The following AGMO variants were observed in gnomAD, a reference collection of about 807,000 sequenced individuals.
The protein encoded by AGMO is glyceryl-ether monooxygenase.
AGMO carries 75 observed loss-of-function variants against 60.2 expected under a neutral mutation model. The observed-to-expected ratio is 1.25, with a 90% CI of 1.03 to 1.51. The LOEUF is 1.51. AGMO is among the 40% of genes most tolerant of loss of function. The probability of loss-of-function intolerance (pLI) is 0.00; values close to 1 mark genes in which losing one functional copy is unlikely to be tolerated. For missense variants in AGMO, 763 were observed against 525.5 expected, an observed-to-expected ratio of 1.45 and a Z score of -4.42; for synonymous variants, 261 against 177.1, an observed-to-expected ratio of 1.47 and a Z score of -3.76.
intron 3 of AGMO, among the ~76,000 whole-genome samples, chr7:15,526,734 A>G (rs1784138471): frequency 6.6e-6 from 1 of 152,130 alleles, no homozygotes; most frequent in Admixed American, 6.6e-5. Flanking sequence ...GGCTTTGCAG[A>G]TATTGCATTT....
chr7:15,279,288 C>T (rs1783893550), intron 12 of AGMO, among the ~76,000 whole-genome samples: 3 of 152,052 alleles, frequency 2.0e-5, no homozygotes, highest in South Asian at 4.1e-4. Context: ...AGCAGGCTGC[C>T]TGGCTTCACT....
intron 12 of AGMO, among the ~76,000 whole-genome samples, chr7:15,277,391 C>CT (rs1783832145): frequency 6.6e-6 from 1 of 152,006 alleles, no homozygotes; most frequent in Admixed American, 6.5e-5. Flanking sequence ...CAGTTAGGGT[C>CT]TATTACTAGA....
intron 3 of AGMO, among the ~76,000 whole-genome samples, chr7:15,510,164 G>A (rs1292300370): frequency 6.6e-6 from 1 of 151,934 alleles, no homozygotes; most frequent in Non-Finnish European, 1.5e-5. Context: ...AACAACCTAA[G>A]CATCTTTTGT....
At chr7:15,303,138 T>G (rs903579922) in intron 12 of AGMO, among the ~76,000 whole-genome samples, 3 of 151,964 alleles carry the variant, frequency 2.0e-5, no homozygotes, top group Non-Finnish European at 4.4e-5. Context: ...GAAAAAAAAG[T>G]GCAGCCCACA....
intron 12 of AGMO, among the ~76,000 whole-genome samples, chr7:15,285,111 C>T (rs1370104852): frequency 6.6e-6 from 1 of 151,884 alleles, no homozygotes; most frequent in East Asian, 1.9e-4. Flanking sequence ...GATGGATCCA[C>T]AGTCAATGTC....
intron 12 of AGMO, among the ~76,000 whole-genome samples, chr7:15,223,917 A>T (rs1261795504): frequency 6.6e-6 from 1 of 152,100 alleles, no homozygotes; most frequent in Non-Finnish European, 1.5e-5. Context: ...TTCATTGGGA[A>T]ATGTTCCAAA....
intron 3 of AGMO, among the ~76,000 whole-genome samples, chr7:15,499,772 C>T (rs890674276): frequency 3.3e-5 from 5 of 151,448 alleles, no homozygotes; most frequent in African/African-American, 1.2e-4. Context: ...TTATGATATA[C>T]CCAAAAATGT....
chr7:15,188,201 A>T, the AGMO span, among the ~76,000 whole-genome samples: 3 of 152,162 alleles, frequency 2.0e-5, no homozygotes. Context: ...CTGAAGCCCC[A>T]GTTGCCAGGA....
chr7:15,155,063 T>C, the AGMO span, among the ~76,000 whole-genome samples: 3 of 152,178 alleles, frequency 2.0e-5, no homozygotes, highest in Admixed American at 2.0e-4. Flanking sequence ...TAGAATCTGA[T>C]GACTATGTGT....
At chr7:15,436,148 A>T (rs1269170609) in intron 3 of AGMO, among the ~76,000 whole-genome samples, 1 of 152,212 alleles carries the variant, frequency 6.6e-6, no homozygotes, top group African/African-American at 2.4e-5. Flanking sequence ...TCATATTGCT[A>T]GCACTTTATG....
chr7:15,448,889 T>C (rs748142450), intron 3 of AGMO, among the ~76,000 whole-genome samples: 4 of 152,184 alleles, frequency 2.6e-5, no homozygotes, highest in Non-Finnish European at 5.9e-5. Context: ...TGTCAATCCT[T>C]ACAATGTGTT....
chr7:15,546,252 T>C (rs1475722240), intron 2 of AGMO, among the ~76,000 whole-genome samples: 3 of 152,174 alleles, frequency 2.0e-5, no homozygotes, highest in Non-Finnish European at 2.9e-5. Context: ...CATTAATATA[T>C]GCAACTCAGA....
At chr7:15,432,471 A>T (rs930622223) in intron 3 of AGMO, among the ~76,000 whole-genome samples, 4 of 151,146 alleles carry the variant, frequency 2.6e-5, no homozygotes, top group Non-Finnish European at 4.4e-5. Context: ...TTGTTAAAGA[A>T]AAAAGGTCTT....
chr7:15,250,495 AAGG>A (rs1782897639), intron 12 of AGMO, among the ~76,000 whole-genome samples: 1 of 152,084 alleles, frequency 6.6e-6, no homozygotes, highest in African/African-American at 2.4e-5. Context: ...GTGTTACAGT[AAGG>A]AGAAGTCTCA....
At position 15,365,214 on chromosome 7, in the gene AGMO, T is replaced by G. The variant is rs545423342; in HGVS notation, c.1263+300A>C. Among the ~76,000 whole-genome samples the G allele has an allele frequency of 2.0e-4, 31 of 151,774 alleles. No homozygotes were observed. The South Asian group carries it at 5.6e-3, about 27-fold the overall frequency. ...TTCTTGTAAAATCAATTCTTCCACT[T>G]CTTGAGAACCTACTACATGGTCTGA... On this transcript the variant is annotated intron_variant, in intron 12 of 12. Coordinates refer to ENST00000342526, the MANE Select transcript of AGMO (RefSeq NM_001004320.2).
intron 10 of AGMO, among the ~76,000 whole-genome samples, chr7:15,377,668 TATCAA>T (rs1783507231): frequency 6.6e-6 from 1 of 152,072 alleles, no homozygotes; most frequent in South Asian, 2.1e-4. Flanking sequence ...TTGGTTAGTA[TATCAA>T]CAGTTGGATA....
chr7:15,390,653 A>G lies in AGMO; in HGVS notation c.822+18T>C, dbSNP rs762593737. ...GAAATGATATAAATGAAGAAAGAATAAAAAACAAGTATGTTACCTGCACTT... is the reference window on the plus strand; with the variant it reads ...GAAATGATATAAATGAAGAAAGAATGAAAAACAAGTATGTTACCTGCACTT... On this transcript the variant is annotated intron_variant, in intron 8 of 12. Transcript: ENST00000342526. 6 of 1,528,796 alleles carry G rather than the reference A, an allele frequency of 3.9e-6. No homozygotes were observed. In the East Asian group the frequency reaches 6.8e-5, roughly 17 times the overall value. The allele number at this position is 1,528,796 out of a possible 1,614,324, so 94.7% of individuals were successfully genotyped here. A position where few individuals can be genotyped will look rare whatever the true frequency, so the allele number is the denominator to read the frequency against.
intron 12 of AGMO, among the ~76,000 whole-genome samples, chr7:15,208,218 G>A (rs1781489888): frequency 6.6e-6 from 1 of 152,074 alleles, no homozygotes; most frequent in Non-Finnish European, 1.5e-5. Context: ...AAACACTACA[G>A]GGCAGAAACA....
chr7:15,170,656 G>A, the AGMO span, among the ~76,000 whole-genome samples: 9 of 151,864 alleles, frequency 5.9e-5, no homozygotes, highest in East Asian at 1.7e-3. Flanking sequence ...AATTACATTA[G>A]CAGAGTACAG....
Sources: gnomAD v4.1 joint callset for allele counts (sites outside exome capture counted in the v4.1 genomes callset) on GRCh38, gnomAD v4.1.1 for gene constraint, MANE v1.5 for transcripts, NCBI Gene and HGNC (gene_info 2026-07-23, HGNC 2026-07-21) for gene names.